USP15: variants seen among roughly 807,000 people sequenced by gnomAD.
USP15 encodes the protein ubiquitin carboxyl-terminal hydrolase 15.
A neutral mutation model predicts 127.1 loss-of-function variants in USP15; 18 were observed. The ratio of observed to expected loss-of-function variants is 0.14; its 90% CI spans 0.10 to 0.21. The LOEUF (loss-of-function observed/expected upper bound fraction) is 0.21, where lower values mean the gene tolerates loss of function less well. Among genes scored for constraint, USP15 ranks in the 10% least tolerant of loss-of-function variants. The probability of loss-of-function intolerance (pLI) is 1.00; values close to 1 mark genes in which losing one functional copy is unlikely to be tolerated. For synonymous variants in USP15, 364 were observed against 393.7 expected (o/e 0.92, Z 0.89); for missense variants, 805 against 1,159.9 (o/e 0.69, Z 4.44).
intron 1 of USP15, chr12:62,274,401 T>A (rs955649803): frequency 1.7e-5 from 2 of 117,384 alleles, no homozygotes; most frequent in Admixed American, 1.8e-4. Flanking sequence ...AGCATAAACA[T>A]GTACAAATCA....
chr12:62,292,117 A>G (rs2063987285), intron 1 of USP15, among the ~76,000 whole-genome samples: 1 of 136,204 alleles, frequency 7.3e-6, no homozygotes, highest in Non-Finnish European at 1.6e-5. Context: ...GGTAAAATGC[A>G]CTGAGGTCTC....
intron 8 of USP15, among the ~76,000 whole-genome samples, chr12:62,360,753 T>A (rs1359876841): frequency 2.0e-5 from 3 of 152,096 alleles, no homozygotes; most frequent in Non-Finnish European, 1.5e-5. Context: ...TTATATTTGT[T>A]CTGATAAACT....
intron 1 of USP15, among the ~76,000 whole-genome samples, chr12:62,260,808 C>G (rs1411224754): frequency 6.6e-6 from 1 of 152,162 alleles, no homozygotes; most frequent in African/African-American, 2.4e-5. Context: ...CTCAGGCCTT[C>G]CCGAATGATA....
At chr12:62,327,731 A>G (rs1171155821) in intron 6 of USP15, 6 of 425,150 alleles carry the variant, frequency 1.4e-5, no homozygotes, top group South Asian at 5.1e-5. Context: ...AGAATTCCCT[A>G]TGTAATACCC....
intron 6 of USP15, 143 bp downstream of exon 6, chr12:62,326,076 A>T: frequency 1.6e-6 from 1 of 641,546 alleles, no homozygotes; most frequent in Non-Finnish European, 2.5e-6. Context: ...TGTTCTTAGT[A>T]TACAAGCTAT....
chr12:62,379,621 T>C (rs1191113149), intron 8 of USP15, among the ~76,000 whole-genome samples: 1 of 152,156 alleles, frequency 6.6e-6, no homozygotes, highest in African/African-American at 2.4e-5. Flanking sequence ...TTAGGTTCTT[T>C]ATATAATTGC....
chr12:62,265,193 C>G (rs925544081), intron 1 of USP15, among the ~76,000 whole-genome samples: 2 of 152,140 alleles, frequency 1.3e-5, no homozygotes, highest in African/African-American at 4.8e-5. Flanking sequence ...ATACCATTTT[C>G]CTGTTAGCAC....
chr12:62,302,853 C>A lies in USP15; in HGVS notation c.281C>A (p.Thr94Asn). ...GAATTGGATTACATACTGTTGCCAA[C>A]TGAAGGTTGGAATAAACTTGTCAGC... The part of the protein sequence containing the change: ...IDELDYILLP[T>N]EGWNKLVSWY... The change falls in exon 3 of 22, where the codon ACT becomes AAT. Residue 94 changes from threonine (T) to asparagine (N), a missense_variant. Thr to Asn is a moderately conservative substitution (Grantham distance 65). Around this residue, in one of 11 missense-constraint regions of USP15, gnomAD observed 69 missense variants for 126.4 expected, o/e 0.55. Coordinates refer to ENST00000280377, the MANE Select transcript of USP15 (RefSeq NM_001252078.2). The A allele has an allele frequency of 1.2e-6, 2 of 1,613,004 alleles. No homozygotes were observed. Among genetic ancestry groups the A allele is most frequent in the Non-Finnish European group, 1.7e-6 (2 of 1,179,306 alleles).
chr12:62,323,961 T>A (rs1029019405), intron 5 of USP15, among the ~76,000 whole-genome samples: 1 of 151,718 alleles, frequency 6.6e-6, no homozygotes, highest in Admixed American at 6.6e-5. Flanking sequence ...ATAATAATTC[T>A]TCAGCCAGAG....
chr12:62,392,258 A>G lies in USP15; in HGVS notation c.2305-14A>G. 6.5e-7 allele frequency: 1 copy of G among 1,530,442 alleles called. No individual in the cohort carries two copies. Among genetic ancestry groups the G allele is most frequent in the Non-Finnish European group, 8.9e-7 (1 of 1,119,736 alleles). The allele number at this position is 1,530,442 out of a possible 1,614,324, so 94.8% of individuals were successfully genotyped here. A position where few individuals can be genotyped will look rare whatever the true frequency, so the allele number is the denominator to read the frequency against. ...TTCATTTGTTCTCTTAACTCAAGAA[A>G]TACTTCTCTTTAGGACTTTGAAAAA... On this transcript the variant is annotated splice_polypyrimidine_tract_variant and intron_variant, in intron 17 of 21. Coordinates refer to ENST00000280377, the MANE Select transcript of USP15 (RefSeq NM_001252078.2).
intron 4 of USP15, among the ~76,000 whole-genome samples, chr12:62,320,924 G>A (rs141176986): frequency 1.9e-3 from 285 of 152,154 alleles, no homozygotes; most frequent in Non-Finnish European, 2.9e-3. Flanking sequence ...AGAAAAAGAC[G>A]TGACTTTACT....
At chr12:62,358,316 T>A (rs545280413) in intron 8 of USP15, among the ~76,000 whole-genome samples, 5 of 152,322 alleles carry the variant, frequency 3.3e-5, no homozygotes, top group East Asian at 3.9e-4. Flanking sequence ...ACTGTTATTA[T>A]TTAATTTAAT....
At chr12:62,348,346 G>T (rs1592642217) in intron 6 of USP15, among the ~76,000 whole-genome samples, 1 of 152,178 alleles carries the variant, frequency 6.6e-6, no homozygotes. Flanking sequence ...AGCAAATTTT[G>T]TAGATTATGC....
chr12:62,275,747 T>C (rs1254697104), intron 1 of USP15, among the ~76,000 whole-genome samples: 2 of 152,068 alleles, frequency 1.3e-5, no homozygotes, highest in Non-Finnish European at 2.9e-5. Flanking sequence ...GGCCTGGGAT[T>C]TGAGGAAGAT....
At chr12:62,307,961 TATTGTTCTA>T (rs1263353851) in intron 3 of USP15, among the ~76,000 whole-genome samples, 1 of 152,124 alleles carries the variant, frequency 6.6e-6, no homozygotes, top group African/African-American at 2.4e-5. Flanking sequence ...TATTATAGTA[TATTGTTCTA>T]ATTGTTCTAT....
intron 1 of USP15, among the ~76,000 whole-genome samples, chr12:62,270,298 C>T (rs1015513974): frequency 2.0e-5 from 3 of 151,956 alleles, no homozygotes; most frequent in African/African-American, 7.2e-5. Context: ...AAATTTTTCT[C>T]CCATTCTGTG....
chr12:62,349,214 T>G lies in USP15; in HGVS notation c.684-7T>G. 12 of 1,439,912 alleles carry G rather than the reference T, an allele frequency of 8.3e-6. No homozygotes were observed. Among genetic ancestry groups the G allele is most frequent in the Non-Finnish European group, 1.1e-5 (12 of 1,096,466 alleles). 89.2% of individuals were successfully genotyped at this position (1,439,912 alleles called of 1,614,324 possible). A position where few individuals can be genotyped will look rare whatever the true frequency, so the allele number is the denominator to read the frequency against. On this transcript the variant is annotated splice_region_variant and splice_polypyrimidine_tract_variant and intron_variant, in intron 6 of 21. Coordinates refer to ENST00000280377, the MANE Select transcript of USP15 (RefSeq NM_001252078.2). ...TTATCTAATTTAACATTTTCATATT[T>G]TTAAAGGTCCCCAGGTGCATCCAAT...
chr12:62,310,917 C>T (rs2064657309), intron 3 of USP15, among the ~76,000 whole-genome samples: 1 of 151,904 alleles, frequency 6.6e-6, no homozygotes, highest in South Asian at 2.1e-4. Flanking sequence ...TAATAATAAC[C>T]ATTATGGCTT....
At chr12:62,268,322 G>T (rs2063249191) in intron 1 of USP15, among the ~76,000 whole-genome samples, 1 of 152,108 alleles carries the variant, frequency 6.6e-6, no homozygotes. Flanking sequence ...GCCTATGTGT[G>T]ATAGAGCCAT....
Sources: gnomAD v4.1 joint callset for allele counts (sites outside exome capture counted in the v4.1 genomes callset) on GRCh38, gnomAD v4.1.1 for gene constraint, gnomAD v4.1.1 regional missense constraint, MANE v1.5 for transcripts, NCBI Gene and HGNC (gene_info 2026-07-23, HGNC 2026-07-21) for gene names.